NUS1: variants seen among roughly 807,000 people sequenced by gnomAD.
NUS1 encodes the protein NUS1 dehydrodolichyl diphosphate synthase subunit.
For synonymous variants in NUS1, 135 were observed against 155.2 expected, an observed-to-expected ratio of 0.87 and a Z score of 0.97; for missense variants, 292 against 382.9, an observed-to-expected ratio of 0.76 and a Z score of 1.98.
rs114838998 is a variant in NUS1 at position 117,694,300 on chromosome 6, G to A, written c.691+120G>A. 4.8e-3 allele frequency: 2,345 copies of A among 489,886 alleles called. 44 individuals are homozygous for A. Among genetic ancestry groups the A allele is most frequent in the African/African-American group, 0.043 (2,141 of 49,640 alleles). The allele number at this position is 489,886 out of a possible 1,614,324, so 30.3% of individuals were successfully genotyped here. On this transcript the variant is annotated intron_variant, in intron 3 of 4. Transcript: ENST00000368494. ...TTGTTTCTTTCACACCATAAAGCCT[G>A]ATTCTTTTGTTGTTAATACCTGTTA...
intron 3 of NUS1, 63 bp downstream of exon 3, chr6:117,694,243 C>A: frequency 1.0e-6 from 1 of 953,436 alleles, no homozygotes; most frequent in South Asian, 3.0e-5. Flanking sequence ...TTAGTTTTGT[C>A]ACACGAGGAT....
At chr6:117,705,119 T>G (rs900404472) in intron 4 of NUS1, among the ~76,000 whole-genome samples, 1 of 152,176 alleles carries the variant, frequency 6.6e-6, no homozygotes, top group Non-Finnish European at 1.5e-5. Flanking sequence ...AATCATCTGG[T>G]CCCACCTTCT....
chr6:117,694,247 CGAG>C (rs1391096233), intron 3 of NUS1, 67 bp downstream of exon 3: 3 of 900,924 alleles, frequency 3.3e-6, no homozygotes, highest in Non-Finnish European at 4.6e-6. Flanking sequence ...TTTTGTCACA[CGAG>C]GATACAGTAT....
At chr6:117,693,267 T>C in intron 2 of NUS1, 100 bp downstream of exon 2, 3 of 1,205,648 alleles carry the variant, frequency 2.5e-6, no homozygotes, top group Non-Finnish European at 3.6e-6. Context: ...TTCACGTTGC[T>C]CTGTTACTCT....
chr6:117,701,675 T>G (rs757855164), intron 3 of NUS1, among the ~76,000 whole-genome samples: 103 of 152,326 alleles, frequency 6.8e-4, no homozygotes, highest in Non-Finnish European at 9.6e-4. Flanking sequence ...TTTCAGGTTG[T>G]TTGTTAATAC....
intron 3 of NUS1, among the ~76,000 whole-genome samples, chr6:117,700,214 T>C (rs369690058): frequency 2.2e-4 from 33 of 152,030 alleles, no homozygotes; most frequent in African/African-American, 7.5e-4. Context: ...CAACACAGAA[T>C]GGGAGAAAAT....
chr6:117,691,578 T>G (rs963447941), intron 1 of NUS1, among the ~76,000 whole-genome samples: 1 of 146,598 alleles, frequency 6.8e-6, no homozygotes, highest in African/African-American at 2.5e-5. Context: ...TATATATATA[T>G]ATATATATAG....
chr6:117,700,158 A>G (rs1271990963), intron 3 of NUS1, among the ~76,000 whole-genome samples: 3 of 152,190 alleles, frequency 2.0e-5, no homozygotes, highest in African/African-American at 7.2e-5. Flanking sequence ...ACATCAAGTT[A>G]AAAAGCTCCT....
chr6:117,703,884 T>C (rs1053053298), intron 4 of NUS1, among the ~76,000 whole-genome samples, 180 bp downstream of exon 4: 1 of 151,704 alleles, frequency 6.6e-6, no homozygotes, highest in African/African-American at 2.4e-5. Context: ...CACAAGAGAG[T>C]GTATAGTTGT....
At position 117,675,936 on chromosome 6, in the gene NUS1, C is replaced by T; in HGVS notation, c.266C>T (p.Ala89Val). Residue 89 changes from alanine (A) to valine (V), a missense_variant, in exon 1 of 5, where the codon GCG becomes GTG. Coordinates refer to ENST00000368494, the MANE Select transcript of NUS1 (RefSeq NM_138459.5). ...AAAHHRMRWR[A>V]DGRSLEKLPV... ...GCACACCACCGGATGCGCTGGCGCG[C>T]GGACGGTCGTTCCTTGGAGAAGCTG... 2.6e-6 allele frequency: 4 copies of T among 1,544,944 alleles called. No individual in the cohort carries two copies. Among genetic ancestry groups the T allele is most frequent in the Non-Finnish European group, 3.5e-6 (4 of 1,143,656 alleles).
intron 4 of NUS1, among the ~76,000 whole-genome samples, 179 bp downstream of exon 4, chr6:117,703,883 G>T (rs1360115219): frequency 6.6e-6 from 1 of 152,184 alleles, no homozygotes; most frequent in Admixed American, 6.5e-5. Flanking sequence ...ACACAAGAGA[G>T]TGTATAGTTG....
chr6:117,688,066 T>TA (rs1308582675), intron 1 of NUS1, among the ~76,000 whole-genome samples: 1 of 151,672 alleles, frequency 6.6e-6, no homozygotes, highest in Admixed American at 6.6e-5. Context: ...AAATAAAAAA[T>TA]AAAAAAATTA....
chr6:117,678,009 G>A (rs1388178715), intron 1 of NUS1, among the ~76,000 whole-genome samples: 4 of 152,202 alleles, frequency 2.6e-5, no homozygotes, highest in Admixed American at 1.3e-4. Flanking sequence ...TGATGACCGT[G>A]CCTACTAGTA....
intron 3 of NUS1, among the ~76,000 whole-genome samples, chr6:117,694,478 T>A (rs1204471112): frequency 6.6e-6 from 1 of 152,014 alleles, no homozygotes; most frequent in Non-Finnish European, 1.5e-5. Flanking sequence ...CTTCTGCTTG[T>A]TAGCCTTCCT....
intron 1 of NUS1, among the ~76,000 whole-genome samples, chr6:117,691,451 A>G (rs1773215266): frequency 6.6e-6 from 1 of 151,328 alleles, no homozygotes; most frequent in African/African-American, 2.4e-5. Flanking sequence ...ATCTTATTTT[A>G]TAAAGCCTTC....
intron 4 of NUS1, among the ~76,000 whole-genome samples, chr6:117,705,246 A>T (rs1773482691): frequency 6.6e-6 from 1 of 152,118 alleles, no homozygotes; most frequent in African/African-American, 2.4e-5. Flanking sequence ...TGTTTCTCTT[A>T]CCTGGTTTTC....
chr6:117,676,183 T>C (rs1582461588), intron 1 of NUS1, 98 bp downstream of exon 1: 1 of 1,520,358 alleles, frequency 6.6e-7, no homozygotes, highest in African/African-American at 1.4e-5. Flanking sequence ...TGCCGCGGCC[T>C]CTCTGCAAAT....
chr6:117,695,046 TAGCC>T (rs1284365758), intron 3 of NUS1, among the ~76,000 whole-genome samples: 1 of 151,640 alleles, frequency 6.6e-6, no homozygotes, highest in African/African-American at 2.4e-5. Flanking sequence ...AATAAAAAAT[TAGCC>T]AGGCATGGTG....
intron 3 of NUS1, 84 bp downstream of exon 3, chr6:117,694,264 A>G (rs1426355391): frequency 2.7e-6 from 2 of 746,882 alleles, no homozygotes; most frequent in Non-Finnish European, 3.8e-6. Flanking sequence ...ACAGTATGAA[A>G]GAAAATATTT....
Sources: allele counts gnomAD v4.1 joint callset (sites outside exome capture counted in the v4.1 genomes callset), GRCh38; gene constraint gnomAD v4.1.1; transcripts MANE v1.5; gene names NCBI Gene and HGNC (gene_info 2026-07-23, HGNC 2026-07-21).